DYNC2H1: variants seen among roughly 807,000 people sequenced by gnomAD.
The protein encoded by DYNC2H1 is dynein cytoplasmic 2 heavy chain 1.
DYNC2H1 carries 410 observed loss-of-function variants against 570.0 expected under a neutral mutation model. The ratio of observed to expected loss-of-function variants is 0.72; its 90% CI spans 0.66 to 0.78. DYNC2H1 has a LOEUF of 0.78. DYNC2H1 is among the 30% of genes least tolerant of loss of function. DYNC2H1 has a pLI of 0.00. For synonymous variants in DYNC2H1, 1,688 were observed against 1,677.6 expected (o/e 1.01, Z -0.15); for missense variants, 4,865 against 5,046.4 (o/e 0.96, Z 1.09).
At chr11:103,392,422 G>T (rs1363653577) in intron 83 of DYNC2H1, among the ~76,000 whole-genome samples, 1 of 152,204 alleles carries the variant, frequency 6.6e-6, no homozygotes, top group East Asian at 1.9e-4. Flanking sequence ...CTAGGAAAGG[G>T]AATTCCCTGA....
At position 103,249,914 on chromosome 11, in the gene DYNC2H1, T is replaced by G. The variant is rs2135244190; in HGVS notation, c.10043-3371T>G. On this transcript the variant is annotated intron_variant, in intron 65 of 88. Coordinates refer to ENST00000375735, the MANE Select transcript of DYNC2H1 (RefSeq NM_001377.3). This position sits in a 1 kb window ranked among gnomAD's most constrained non-coding sequence, Gnocchi z 4.6. ...TTTGCTCTTTCTGATCACACCCAAT[T>G]CCCAGGAAAAGTACATTTTTCTTGA... 6.6e-6 allele frequency among the ~76,000 whole-genome samples: 1 copy of G among 152,104 alleles called. No homozygotes were observed. The highest frequency in any genetic ancestry group is 2.1e-4 in the South Asian group (1 of 4,826).
rs1452003089 is a variant in DYNC2H1 at position 103,289,854 on chromosome 11, G to A, written c.11095+2249G>A. Among the ~76,000 whole-genome samples, 1 of 152,052 alleles carries A rather than the reference G, an allele frequency of 6.6e-6. No homozygotes were observed. Among genetic ancestry groups the A allele is most frequent in the Admixed American group, 6.5e-5 (1 of 15,268 alleles). ...ATCCTATATTTAGTTACGATATTTGGACTGAGTGTTCCTCAATCCAATATG... is the reference window on the plus strand; with the variant it reads ...ATCCTATATTTAGTTACGATATTTGAACTGAGTGTTCCTCAATCCAATATG... On this transcript the variant is annotated intron_variant, in intron 75 of 88. Coordinates refer to ENST00000375735, the MANE Select transcript of DYNC2H1 (RefSeq NM_001377.3). The surrounding 1 kb of genome is among the most constrained non-coding windows in gnomAD (Gnocchi z 4.2).
chr11:103,440,352 A>AATTTTAAT (rs1944222650), intron 85 of DYNC2H1, among the ~76,000 whole-genome samples: 2 of 152,156 alleles, frequency 1.3e-5, no homozygotes, highest in Non-Finnish European at 2.9e-5. Context: ...TAATACTTAC[A>AATTTTAAT]GTTCATTTTA....
At chr11:103,304,017 T>C (rs531057883) in intron 76 of DYNC2H1, among the ~76,000 whole-genome samples, 2 of 152,230 alleles carry the variant, frequency 1.3e-5, no homozygotes, top group South Asian at 2.1e-4. Flanking sequence ...GTAGGAACTT[T>C]TGTTTGTTCA....
At chr11:103,470,819 T>G (rs760981367) in intron 88 of DYNC2H1, among the ~76,000 whole-genome samples, 6 of 152,242 alleles carry the variant, frequency 3.9e-5, no homozygotes, top group Non-Finnish European at 8.8e-5. Flanking sequence ...CTATCGTTGT[T>G]GGACATTTAG....
Position 103,155,512 on chromosome 11 carries a change from C to T in DYNC2H1, c.3744+11C>T. On this transcript the variant is annotated intron_variant, in intron 25 of 88. Coordinates refer to ENST00000375735, the MANE Select transcript of DYNC2H1 (RefSeq NM_001377.3). Reference sequence around the variant, plus strand: ...GCTGCCGACCTTAAAGTATGAATCACTTTTATAAATATCCCATAAGTCTGG... The same window carrying T: ...GCTGCCGACCTTAAAGTATGAATCATTTTTATAAATATCCCATAAGTCTGG... 1 of 1,595,930 alleles carries T rather than the reference C, an allele frequency of 6.3e-7. No homozygotes were observed. Among genetic ancestry groups the T allele is most frequent in the East Asian group, 2.3e-5 (1 of 44,254 alleles).
intron 17 of DYNC2H1, among the ~76,000 whole-genome samples, chr11:103,141,028 A>C (rs1366010274): frequency 6.6e-6 from 1 of 151,986 alleles, no homozygotes; most frequent in Admixed American, 6.6e-5. Context: ...TTCTTCACGT[A>C]GTTCTCGAGT....
intron 82 of DYNC2H1, among the ~76,000 whole-genome samples, chr11:103,337,544 A>G (rs773203226): frequency 2.0e-5 from 3 of 152,084 alleles, no homozygotes; most frequent in Non-Finnish European, 4.4e-5. Context: ...CGTAGCATCC[A>G]TTATTTTTTG....
intron 83 of DYNC2H1, among the ~76,000 whole-genome samples, chr11:103,398,954 A>T (rs1942506539): frequency 6.6e-6 from 1 of 152,116 alleles, no homozygotes; most frequent in Non-Finnish European, 1.5e-5. Context: ...AAAAATGCCC[A>T]TTCACATTTT....
At chr11:103,383,244 A>T (rs967262086) in intron 83 of DYNC2H1, among the ~76,000 whole-genome samples, 1 of 152,228 alleles carries the variant, frequency 6.6e-6, no homozygotes, top group Non-Finnish European at 1.5e-5. Flanking sequence ...TTCCTGCTTC[A>T]CGTTCTTGTA....
chr11:103,258,610 C>T (rs537881452), intron 69 of DYNC2H1, among the ~76,000 whole-genome samples: 1 of 152,222 alleles, frequency 6.6e-6, no homozygotes, highest in East Asian at 1.9e-4. Context: ...AACTGCAGCA[C>T]CTCTGCAGGA....
intron 45 of DYNC2H1, among the ~76,000 whole-genome samples, chr11:103,190,506 G>A (rs1862254671): frequency 6.6e-6 from 1 of 152,122 alleles, no homozygotes; most frequent in Non-Finnish European, 1.5e-5. Flanking sequence ...AGGAGGTGAA[G>A]TTTGATCTGA....
At chr11:103,350,996 T>C (rs960026033) in intron 82 of DYNC2H1, among the ~76,000 whole-genome samples, 1 of 152,172 alleles carries the variant, frequency 6.6e-6, no homozygotes, top group African/African-American at 2.4e-5. Context: ...TTTTCTAATA[T>C]TCCCAGTGCT....
Position 103,203,747 on chromosome 11 carries a change from T to A in DYNC2H1, c.8282T>A (p.Phe2761Tyr). 5.6e-6 allele frequency: 9 copies of A among 1,611,446 alleles called. No homozygotes were observed. Among genetic ancestry groups the A allele is most frequent in the Non-Finnish European group, 7.6e-6 (9 of 1,178,882 alleles). The change falls in exon 51 of 89, where the codon TTT becomes TAT. Residue 2761 changes from phenylalanine to tyrosine, a missense_variant. By Grantham distance (22) the Phe-to-Tyr change is conservative. This residue lies in a region of DYNC2H1 where 2,401 missense variants were observed against 2,454.6 expected (regional missense o/e 0.98). Transcript: ENST00000375735. The surrounding 1 kb of genome is among the most constrained non-coding windows in gnomAD (Gnocchi z 4.7). ...GATCAAGCTTCACAAGATGGTTTTT[T>A]TGGACCAGTCTTCAATTACTTCACA... ...LKDQASQDGF[F>Y]GPVFNYFTYR... is the part of the protein sequence containing the mutation.
chr11:103,273,298 T>TC (rs1237756181), intron 70 of DYNC2H1, among the ~76,000 whole-genome samples: 1 of 152,022 alleles, frequency 6.6e-6, no homozygotes, highest in Admixed American at 6.6e-5. Context: ...AAAGCCATCC[T>TC]CCCACCTCAG....
intron 82 of DYNC2H1, among the ~76,000 whole-genome samples, chr11:103,342,232 T>G (rs1939480295): frequency 6.6e-6 from 1 of 152,122 alleles, no homozygotes; most frequent in African/African-American, 2.4e-5. Flanking sequence ...TGTAGCTAGC[T>G]AGAGATTGGT....
intron 31 of DYNC2H1, among the ~76,000 whole-genome samples, chr11:103,168,311 C>T (rs1293052675): frequency 6.6e-6 from 1 of 152,128 alleles, no homozygotes; most frequent in Non-Finnish European, 1.5e-5. Context: ...TGGGTATGGC[C>T]CTAGCGTTGC....
chr11:103,203,880 CT>C lies in DYNC2H1; in HGVS notation c.8311+110del. The stretch of plus-strand genomic sequence containing the variant: ...ATTAGATTGCAAAGGTATCTTAAAT[CT>C]TTTTTCTGGAGCTTTTAGAAAGTAA... On this transcript the variant is annotated intron_variant, in intron 51 of 88. Transcript: ENST00000375735. This position sits in a 1 kb window ranked among gnomAD's most constrained non-coding sequence, Gnocchi z 4.7. The C allele has an allele frequency of 2.6e-6, 2 of 773,118 alleles. No individual in the cohort carries two copies. Among genetic ancestry groups the C allele is most frequent in the Non-Finnish European group, 4.0e-6 (2 of 504,214 alleles). 47.9% of individuals were successfully genotyped at this position (773,118 alleles called of 1,614,324 possible).
chr11:103,472,256 G>A lies in DYNC2H1; in HGVS notation c.12765+3551G>A, dbSNP rs1202000329. On this transcript the variant is annotated intron_variant, in intron 88 of 88. Transcript: ENST00000375735. This position sits in a 1 kb window ranked among gnomAD's most constrained non-coding sequence, Gnocchi z 4.1. ...AATTTAGAACAGGGCCAGGCACGGTGGCTCACACCTGTAATCCCATCACTT... is the reference window on the plus strand; with the variant it reads ...AATTTAGAACAGGGCCAGGCACGGTAGCTCACACCTGTAATCCCATCACTT... 6.6e-6 allele frequency among the ~76,000 whole-genome samples: 1 copy of A among 152,076 alleles called. No individual in the cohort carries two copies. Among genetic ancestry groups the A allele is most frequent in the Non-Finnish European group, 1.5e-5 (1 of 68,016 alleles).
Sources: gnomAD v4.1 joint callset for allele counts (sites outside exome capture counted in the v4.1 genomes callset) on GRCh38, gnomAD v4.1.1 for gene constraint, gnomAD v4.1.1 regional missense constraint, Gnocchi (gnomAD v3.1) non-coding constraint, MANE v1.5 for transcripts, NCBI Gene and HGNC (gene_info 2026-07-23, HGNC 2026-07-21) for gene names.